The following PEX5L variants were observed in gnomAD, a reference collection of about 807,000 sequenced individuals.
The protein encoded by PEX5L is PEX5-related protein.
A neutral mutation model predicts 84.0 loss-of-function variants in PEX5L; 30 were observed. The observed-to-expected ratio is 0.36, with a 90% CI of 0.27 to 0.48. The LOEUF (loss-of-function observed/expected upper bound fraction) is 0.48. Ranked by LOEUF, PEX5L falls within the 20% of genes least tolerant of loss-of-function variation. PEX5L has a pLI of 0.99. For missense variants in PEX5L, 533 were observed against 754.6 expected (o/e 0.71, Z 3.44); for synonymous variants, 270 against 283.1 (o/e 0.95, Z 0.46).
At chr3:180,016,054 T>G (rs577752369) in intron 1 of PEX5L, among the ~76,000 whole-genome samples, 3 of 152,086 alleles carry the variant, frequency 2.0e-5, no homozygotes, top group African/African-American at 7.2e-5. Flanking sequence ...ATGACTGATT[T>G]GGGGAAAAAA....
At chr3:179,833,218 G>T (rs1733791476) in intron 8 of PEX5L, among the ~76,000 whole-genome samples, 2 of 152,190 alleles carry the variant, frequency 1.3e-5, no homozygotes, top group South Asian at 4.1e-4. Flanking sequence ...TTTTCTGAGT[G>T]AAGAAATAAG....
intron 3 of PEX5L, among the ~76,000 whole-genome samples, chr3:179,895,945 C>T (rs3774252): frequency 0.15 from 22,645 of 152,064 alleles, 1,821 homozygotes; most frequent in South Asian, 0.31. Flanking sequence ...TCAATGTATT[C>T]AGCAGTATGT....
At chr3:179,863,059 A>G (rs1293998316) in intron 7 of PEX5L, among the ~76,000 whole-genome samples, 1 of 152,236 alleles carries the variant, frequency 6.6e-6, no homozygotes, top group Non-Finnish European at 1.5e-5. Flanking sequence ...TTGTTTTTCT[A>G]CAAAGTTGCC....
intron 8 of PEX5L, among the ~76,000 whole-genome samples, chr3:179,850,277 C>T (rs1476501873): frequency 1.3e-5 from 2 of 152,170 alleles, no homozygotes; most frequent in South Asian, 4.1e-4. Context: ...CAGGCATGCA[C>T]CATCATGCCT....
chr3:179,945,057 GT>G (rs1259237470), intron 2 of PEX5L, among the ~76,000 whole-genome samples: 1 of 152,218 alleles, frequency 6.6e-6, no homozygotes, highest in Non-Finnish European at 1.5e-5. Flanking sequence ...CAGAACTTCT[GT>G]TTTATAGTCT....
chr3:179,846,849 G>A (rs912542146), intron 8 of PEX5L, among the ~76,000 whole-genome samples: 18 of 151,954 alleles, frequency 1.2e-4, no homozygotes, highest in African/African-American at 4.1e-4. Flanking sequence ...GGTTCTTCTG[G>A]TACTCAGTCA....
chr3:179,858,684 G>A (rs1324777890), intron 8 of PEX5L, among the ~76,000 whole-genome samples: 1 of 152,158 alleles, frequency 6.6e-6, no homozygotes, highest in Non-Finnish European at 1.5e-5. Context: ...CTAGATGCTA[G>A]AGAGATAAAA....
chr3:179,924,668 A>G (rs1770868627), intron 2 of PEX5L, among the ~76,000 whole-genome samples: 1 of 152,096 alleles, frequency 6.6e-6, no homozygotes, highest in Non-Finnish European at 1.5e-5. Context: ...AGGACCATGG[A>G]AATATACTTA....
In PEX5L at chr3:179,849,190, C is replaced by T. The variant is rs181333967; in HGVS notation, c.822+9872G>A. Among the ~76,000 whole-genome samples, 4 of 152,272 alleles carry T rather than the reference C, an allele frequency of 2.6e-5. No individual in the cohort carries two copies. In the East Asian group the frequency reaches 7.7e-4, roughly 29 times the overall value. On this transcript the variant is annotated intron_variant, in intron 8 of 14. Transcript: ENST00000467460. ...AATACCAGTTTCCTAAACTTTATAA[C>T]TTTTGTCATTTCTGTACTTTATTGC...
intron 2 of PEX5L, among the ~76,000 whole-genome samples, chr3:179,908,567 C>T (rs553611746): frequency 6.6e-6 from 1 of 151,932 alleles, no homozygotes; most frequent in South Asian, 2.1e-4. Context: ...GTGCTGCACC[C>T]CTTAACTCAT....
intron 1 of PEX5L, among the ~76,000 whole-genome samples, chr3:180,008,361 A>G (rs7652816): frequency 0.078 from 11,903 of 152,224 alleles, 748 homozygotes; most frequent in African/African-American, 0.17. Context: ...TGCTATCGGC[A>G]TTTTGGGCGA....
chr3:179,803,056 C>CA (rs1719710879), intron 14 of PEX5L, among the ~76,000 whole-genome samples: 1 of 152,074 alleles, frequency 6.6e-6, no homozygotes, highest in South Asian at 2.1e-4. Context: ...TATGATAAAG[C>CA]TAATATGTTA....
intron 14 of PEX5L, among the ~76,000 whole-genome samples, chr3:179,805,455 C>T (rs1242687720): frequency 1.3e-5 from 2 of 152,040 alleles, no homozygotes; most frequent in African/African-American, 4.8e-5. Flanking sequence ...CCTGCACACA[C>T]CTCCCATATA....
At chr3:179,934,969 T>G (rs1480115925) in intron 2 of PEX5L, among the ~76,000 whole-genome samples, 1 of 152,038 alleles carries the variant, frequency 6.6e-6, no homozygotes, top group African/African-American at 2.4e-5. Flanking sequence ...GAAAAGGACC[T>G]GATTTTGGCA....
chr3:179,944,110 T>C (rs557670884), intron 2 of PEX5L, among the ~76,000 whole-genome samples: 6 of 152,168 alleles, frequency 3.9e-5, no homozygotes, highest in East Asian at 1.9e-4. Flanking sequence ...CAGGTCATCA[T>C]GATGTCCGGG....
At chr3:179,989,232 G>A (rs940439805) in intron 1 of PEX5L, among the ~76,000 whole-genome samples, 11 of 152,152 alleles carry the variant, frequency 7.2e-5, no homozygotes, top group South Asian at 2.1e-4. Context: ...TAGATGCTTC[G>A]TAGAATTAAG....
At chr3:179,979,574 G>A (rs1786122213) in intron 1 of PEX5L, among the ~76,000 whole-genome samples, 2 of 152,200 alleles carry the variant, frequency 1.3e-5, no homozygotes, top group Non-Finnish European at 2.9e-5. Flanking sequence ...TGGAATGGTT[G>A]TTGGTGGAAG....
At chr3:179,893,363 T>A (rs1758185619) in intron 3 of PEX5L, among the ~76,000 whole-genome samples, 1 of 152,186 alleles carries the variant, frequency 6.6e-6, no homozygotes. Flanking sequence ...TAATCTAAGC[T>A]ATAAGAAACT....
chr3:179,880,262 T>C (rs1031016560), intron 4 of PEX5L, 139 bp from the exon 5 acceptor site: 6 of 529,388 alleles, frequency 1.1e-5, no homozygotes, highest in Admixed American at 7.3e-5. Flanking sequence ...CATTGATTTA[T>C]AGAGACAGCT....
Sources: gnomAD v4.1 joint callset for allele counts (sites outside exome capture counted in the v4.1 genomes callset) on GRCh38, gnomAD v4.1.1 for gene constraint, MANE v1.5 for transcripts, NCBI Gene and HGNC (gene_info 2026-07-23, HGNC 2026-07-21) for gene names.